The following EPHA10 variants were observed in gnomAD, a reference collection of about 807,000 sequenced individuals.
The protein encoded by EPHA10 is ephrin type-A receptor 10.
EPHA10 carries 120 observed loss-of-function variants against 109.7 expected under a neutral mutation model. The observed-to-expected ratio is 1.09, with a 90% confidence interval of 0.94 to 1.27. The LOEUF (loss-of-function observed/expected upper bound fraction) is 1.27, where lower values mean the gene tolerates loss of function less well. Ranked by LOEUF, EPHA10 falls within the 50% of genes most tolerant of loss-of-function variation. The pLI, the probability that EPHA10 is intolerant of heterozygous loss-of-function variation, is 0.00. For synonymous variants in EPHA10, 640 were observed against 618.9 expected (o/e 1.03, Z -0.51); for missense variants, 1,396 against 1,411.1 (o/e 0.99, Z 0.17).
At chr1:37,751,361 G>C (rs1221024882) in intron 5 of EPHA10, among the ~76,000 whole-genome samples, 2 of 151,878 alleles carry the variant, frequency 1.3e-5, no homozygotes, top group South Asian at 2.1e-4. Context: ...TTGAGGTCAG[G>C]AGTTTGACAC....
intron 5 of EPHA10, among the ~76,000 whole-genome samples, chr1:37,741,266 C>T (rs532423573): frequency 6.6e-6 from 1 of 152,344 alleles, no homozygotes; most frequent in South Asian, 2.1e-4. Context: ...TGGGCCATGT[C>T]TTACGCTGAG....
chr1:37,721,560 G>C, intron 11 of EPHA10, 100 bp downstream of exon 11: 1 of 1,246,918 alleles, frequency 8.0e-7, no homozygotes, highest in Non-Finnish European at 1.1e-6. Context: ...ATAGCTGAGG[G>C]AAGGACCTGG....
At position 37,718,418 on chromosome 1, in the gene EPHA10, A is replaced by C; in HGVS notation, c.2981T>G (p.Leu994Arg). Residue 994 changes from leucine (L) to arginine (R), a missense_variant, in exon 17 of 17, where the codon CTG (leucine) becomes CGG (arginine). Coordinates refer to ENST00000373048, the MANE Select transcript of EPHA10 (RefSeq NM_001099439.2). ...REALLSGISALQARVLQLQGQ... is the reference protein window; with the variant it reads ...REALLSGISARQARVLQLQGQ... The stretch of plus-strand genomic sequence containing the variant: ...CTGCAGCTGGAGCACTCGTGCCTGC[A>C]GGGCGCTGATCCCGCTGAGGAGGGC... 1 of 1,613,220 alleles carries C rather than the reference A, an allele frequency of 6.2e-7. No individual in the cohort carries two copies. Among genetic ancestry groups the C allele is most frequent in the Non-Finnish European group, 8.5e-7 (1 of 1,179,884 alleles).
At chr1:37,763,325 T>G (rs1646449334) in intron 1 of EPHA10, among the ~76,000 whole-genome samples, 1 of 152,120 alleles carries the variant, frequency 6.6e-6, no homozygotes, top group Non-Finnish European at 1.5e-5. Flanking sequence ...CACTTTAATC[T>G]CTGCCTCAGT....
At chr1:37,763,923 T>C (rs1007316494) in intron 1 of EPHA10, among the ~76,000 whole-genome samples, 1 of 152,186 alleles carries the variant, frequency 6.6e-6, no homozygotes, top group Non-Finnish European at 1.5e-5. Context: ...TGAAAGAATG[T>C]CTGGGGTTCT....
At chr1:37,762,907 G>A in intron 1 of EPHA10, 58 bp from the exon 2 acceptor site, 2 of 1,480,648 alleles carry the variant, frequency 1.4e-6, no homozygotes, top group Non-Finnish European at 1.8e-6. Context: ...TAGCAAGAGA[G>A]TGGAATCCTT....
At chr1:37,721,957 C>T (rs1645805934) in intron 10 of EPHA10, 112 bp from the exon 11 acceptor site, 2 of 1,066,208 alleles carry the variant, frequency 1.9e-6, no homozygotes, top group South Asian at 3.7e-5. Flanking sequence ...ATGGCGAAAC[C>T]CAGTCTCTAC....
At position 37,754,462 on chromosome 1, in the gene EPHA10, A is replaced by C; in HGVS notation, c.851-92T>G. 8.5e-7 allele frequency: 1 copy of C among 1,175,930 alleles called. No homozygotes were observed. Among genetic ancestry groups the C allele is most frequent in the Non-Finnish European group, 1.1e-6 (1 of 931,130 alleles). 72.8% of individuals were successfully genotyped at this position (1,175,930 alleles called of 1,614,324 possible). ...GTTAGGGCAGCGTTTATCTCCTCCA[A>C]TTGCGATAGAAAAACAGTCAGGGGA... On this transcript the variant is annotated intron_variant, in intron 3 of 16. Transcript: ENST00000373048. The surrounding 1 kb of genome is among the most constrained non-coding windows in gnomAD (Gnocchi z 4.5).
rs199558258 is a variant in EPHA10 at position 37,719,566 on chromosome 1, G to C, written c.2604C>G (p.Pro868=). The C allele has an allele frequency of 5.7e-5, 92 of 1,613,838 alleles. No homozygotes were observed. The African/African-American group carries it at 9.2e-4, about 16-fold the overall frequency. Reference sequence around the variant, plus strand: ...GGTGCAGAAGGTTAGGACAGTTCCTGGGGGGTGGCAGCCGGAAGCCATCCT... The same window carrying C: ...GGTGCAGAAGGTTAGGACAGTTCCTCGGGGGTGGCAGCCGGAAGCCATCCT... ...AVEDGFRLPP[P]RNCPNLLHRL... Residue 868 remains proline (P), a synonymous_variant, in exon 15 of 17, where the codon CCC becomes CCG. Transcript: ENST00000373048.
chr1:37,750,945 C>T (rs965724578), intron 5 of EPHA10, among the ~76,000 whole-genome samples: 2 of 151,910 alleles, frequency 1.3e-5, no homozygotes, highest in African/African-American at 2.4e-5. Flanking sequence ...GTGGCTCACG[C>T]CTGTAATCCC....
intron 6 of EPHA10, 33 bp downstream of exon 6, chr1:37,735,224 C>A: frequency 6.4e-7 from 1 of 1,559,028 alleles, no homozygotes; most frequent in Non-Finnish European, 8.7e-7. Context: ...AGGTGCGGGG[C>A]AGGCTCCAGG....
chr1:37,758,560 C>T (rs1456431171), intron 3 of EPHA10, among the ~76,000 whole-genome samples: 1 of 152,230 alleles, frequency 6.6e-6, no homozygotes, highest in Non-Finnish European at 1.5e-5. Context: ...GGCATTCCTT[C>T]CTGGACACCT....
intron 2 of EPHA10, 86 bp downstream of exon 2, chr1:37,762,699 T>A: frequency 1.6e-6 from 2 of 1,252,366 alleles, no homozygotes; most frequent in Non-Finnish European, 2.1e-6. Context: ...AGCACTTTTG[T>A]CTGATGTAAA....
At position 37,731,531 on chromosome 1, in the gene EPHA10, T is replaced by C; in HGVS notation, c.1543A>G (p.Thr515Ala). Residue 515 changes from threonine to alanine, a missense_variant, in exon 7 of 17, where the codon ACC becomes GCC. Thr to Ala is a moderately conservative substitution (Grantham distance 58, BLOSUM62 0). Coordinates refer to ENST00000373048, the MANE Select transcript of EPHA10 (RefSeq NM_001099439.2). The part of the protein sequence containing the change: ...SMVKTGAPTV[T>A]VTNLKPATRY... ...GTAGCCGGCTTCAGGTTGGTGACGG[T>C]GACTGTGGGCGCCCCTGTCTTCACC... The C allele has an allele frequency of 6.2e-7, 1 of 1,613,990 alleles. No homozygotes were observed. Among genetic ancestry groups the C allele is most frequent in the Non-Finnish European group, 8.5e-7 (1 of 1,179,966 alleles).
At chr1:37,741,131 C>T (rs909049273) in intron 5 of EPHA10, among the ~76,000 whole-genome samples, 22 of 152,134 alleles carry the variant, frequency 1.4e-4, no homozygotes, top group African/African-American at 3.9e-4. Flanking sequence ...CCTCAGTTTC[C>T]CCGTGTGTAA....
chr1:37,760,310 C>T (rs1324946637), intron 3 of EPHA10: 1 of 1,040,900 alleles, frequency 9.6e-7, no homozygotes, highest in African/African-American at 1.7e-5. Flanking sequence ...ATATTAAGTA[C>T]ACACATTAAT....
chr1:37,736,279 C>G (rs1646068685), intron 5 of EPHA10, among the ~76,000 whole-genome samples: 1 of 151,974 alleles, frequency 6.6e-6, no homozygotes, highest in South Asian at 2.1e-4. Flanking sequence ...GAGTTCGAGA[C>G]CAGCCTGATC....
chr1:37,732,864 T>C (rs1439302567), intron 6 of EPHA10, among the ~76,000 whole-genome samples: 1 of 17,250 alleles, frequency 5.8e-5, no homozygotes, highest in Non-Finnish European at 1.3e-4. Flanking sequence ...ATACTTGTTC[T>C]TTTTTTTTTT....
chr1:37,761,166 G>A (rs1428665867), intron 3 of EPHA10: 7 of 1,413,464 alleles, frequency 5.0e-6, no homozygotes, highest in Non-Finnish European at 6.4e-6. Context: ...AGGTGCCTAA[G>A]ATATAGATCC....
Sources: allele counts gnomAD v4.1 joint callset (sites outside exome capture counted in the v4.1 genomes callset), GRCh38; gene constraint gnomAD v4.1.1; non-coding constraint Gnocchi (gnomAD v3.1); transcripts MANE v1.5; gene names NCBI Gene and HGNC (gene_info 2026-07-23, HGNC 2026-07-21).